The following VSNL1 variants were observed in gnomAD, a reference collection of about 807,000 sequenced individuals.
VSNL1 encodes visinin-like protein 1.
A neutral mutation model predicts 20.4 loss-of-function variants in VSNL1; 6 were observed. The ratio of observed to expected loss-of-function variants is 0.29; its 90% CI spans 0.16 to 0.58. VSNL1 has a LOEUF of 0.58. VSNL1 is among the 20% of genes least tolerant of loss of function. The pLI is 0.90. For synonymous variants in VSNL1, 93 were observed against 86.4 expected, an observed-to-expected ratio of 1.08 and a Z score of -0.42; for missense variants, 100 against 234.5, an observed-to-expected ratio of 0.43 and a Z score of 3.75.
At chr2:17,549,488 T>C (rs866812813) in intron 1 of VSNL1, among the ~76,000 whole-genome samples, 7 of 152,280 alleles carry the variant, frequency 4.6e-5, no homozygotes, top group South Asian at 4.1e-4. Flanking sequence ...GAGTAATAGC[T>C]TCATAACAAA....
chr2:17,639,094 G>A (rs1430901097), intron 2 of VSNL1, among the ~76,000 whole-genome samples: 1 of 152,176 alleles, frequency 6.6e-6, no homozygotes, highest in African/African-American at 2.4e-5. Flanking sequence ...CTTTTGCTAA[G>A]GGGCTGGTGG....
chr2:17,614,025 G>T (rs1665153450), intron 2 of VSNL1, among the ~76,000 whole-genome samples: 1 of 152,216 alleles, frequency 6.6e-6, no homozygotes, highest in African/African-American at 2.4e-5. Context: ...ACACGCATGG[G>T]GAGGTGGCTG....
chr2:17,588,253 G>C (rs2103372568), intron 1 of VSNL1, among the ~76,000 whole-genome samples: 1 of 152,338 alleles, frequency 6.6e-6, no homozygotes, highest in East Asian at 1.9e-4. Context: ...GTTGAGACAA[G>C]CCAATAGGAG....
intron 2 of VSNL1, among the ~76,000 whole-genome samples, chr2:17,628,770 G>C (rs531711312): frequency 1.7e-4 from 26 of 152,204 alleles, no homozygotes; most frequent in Non-Finnish European, 3.1e-4. Context: ...GTCCTGGCCT[G>C]AGCTCAGCCA....
At chr2:17,604,336 A>G (rs1274391023) in intron 2 of VSNL1, among the ~76,000 whole-genome samples, 1 of 152,162 alleles carries the variant, frequency 6.6e-6, no homozygotes, top group Non-Finnish European at 1.5e-5. Flanking sequence ...GCATGTTGGG[A>G]TTTCCCTCAT....
chr2:17,636,668 A>G lies in VSNL1; in HGVS notation c.163-12742A>G. On this transcript the variant is annotated intron_variant, in intron 2 of 3. Coordinates refer to ENST00000295156, the MANE Select transcript of VSNL1 (RefSeq NM_003385.5). ...TGATTACATGTTGAATGAATGATGTAATTTCGATGTGTTTTGAATATAATG... is the reference window on the plus strand; with the variant it reads ...TGATTACATGTTGAATGAATGATGTGATTTCGATGTGTTTTGAATATAATG... 1.3e-5 allele frequency among the ~76,000 whole-genome samples: 2 copies of G among 152,222 alleles called. 1 individual carries two copies. The highest frequency in any genetic ancestry group is 2.9e-5 in the Non-Finnish European group (2 of 68,034).
chr2:17,588,030 C>A (rs1281315099), intron 1 of VSNL1, among the ~76,000 whole-genome samples: 1 of 152,180 alleles, frequency 6.6e-6, no homozygotes, highest in Non-Finnish European at 1.5e-5. Flanking sequence ...GCCCTTCCAC[C>A]AGTCCTGTTT....
At chr2:17,608,481 T>A (rs1297326398) in intron 2 of VSNL1, among the ~76,000 whole-genome samples, 1 of 152,190 alleles carries the variant, frequency 6.6e-6, no homozygotes, top group Non-Finnish European at 1.5e-5. Context: ...GGTAACCCAC[T>A]GGATGAAGCT....
At chr2:17,552,323 C>A (rs1663564010) in intron 1 of VSNL1, among the ~76,000 whole-genome samples, 1 of 152,030 alleles carries the variant, frequency 6.6e-6, no homozygotes, top group South Asian at 2.1e-4. Context: ...CATTTTATGA[C>A]TGAGAAATTG....
intron 2 of VSNL1, among the ~76,000 whole-genome samples, chr2:17,631,527 G>T (rs1665628601): frequency 6.6e-6 from 1 of 152,162 alleles, no homozygotes; most frequent in African/African-American, 2.4e-5. Context: ...GACAATATGG[G>T]TCACAAGTAA....
intron 1 of VSNL1, among the ~76,000 whole-genome samples, chr2:17,579,220 A>G (rs1321266954): frequency 6.6e-6 from 1 of 151,312 alleles, no homozygotes; most frequent in Non-Finnish European, 1.5e-5. Context: ...GGTTCATGCC[A>G]TTCTCCTGCC....
intron 1 of VSNL1, among the ~76,000 whole-genome samples, chr2:17,588,492 A>G (rs1165543205): frequency 1.3e-5 from 2 of 152,182 alleles, no homozygotes; most frequent in Non-Finnish European, 2.9e-5. Flanking sequence ...GAATGTGATA[A>G]AATGTACTGT....
intron 1 of VSNL1, among the ~76,000 whole-genome samples, chr2:17,553,916 C>T (rs62130459): frequency 0.029 from 4,457 of 152,230 alleles, 64 homozygotes; most frequent in Middle Eastern, 0.054. Context: ...AATTCAAGAG[C>T]TCTTAATTTA....
intron 1 of VSNL1, among the ~76,000 whole-genome samples, chr2:17,547,253 C>A (rs760931048): frequency 1.3e-5 from 2 of 151,888 alleles, no homozygotes; most frequent in Non-Finnish European, 2.9e-5. Flanking sequence ...TCACAGGATT[C>A]TTGAACAGAA....
At chr2:17,641,840 G>C (rs1402445852) in intron 2 of VSNL1, among the ~76,000 whole-genome samples, 4 of 152,142 alleles carry the variant, frequency 2.6e-5, no homozygotes, top group African/African-American at 9.7e-5. Context: ...GAGAAAGGGA[G>C]AAAGAGAAGA....
At chr2:17,558,175 G>A (rs201855474) in intron 1 of VSNL1, among the ~76,000 whole-genome samples, 172 of 152,278 alleles carry the variant, frequency 1.1e-3, no homozygotes, top group African/African-American at 3.9e-3. Context: ...AAATGCTTAT[G>A]TCCTGACATA....
intron 1 of VSNL1, among the ~76,000 whole-genome samples, chr2:17,567,047 T>C (rs1200667725): frequency 3.9e-5 from 6 of 152,202 alleles, no homozygotes. Context: ...AGTAGAACAC[T>C]ATCCGTGGTC....
In VSNL1 at chr2:17,585,393, A is replaced by AC. The variant is rs1487098668; in HGVS notation, c.-5-6677_-5-6676insC. Among the ~76,000 whole-genome samples the AC allele has an allele frequency of 5.2e-3, 784 of 151,986 alleles. 8 individuals are homozygous for AC. Among genetic ancestry groups the AC allele is most frequent in the African/African-American group, 0.017 (689 of 41,462 alleles). ...ATTTGCCTTCATTATAAAAAAAAAA[A>AC]AAACATACAATATGCTGGGCAATTT... is the stretch of plus-strand genomic sequence containing the variant. On this transcript the variant is annotated intron_variant, in intron 1 of 3. Transcript: ENST00000295156.
At chr2:17,615,518 T>C (rs1665195641) in intron 2 of VSNL1, among the ~76,000 whole-genome samples, 1 of 152,224 alleles carries the variant, frequency 6.6e-6, no homozygotes. Flanking sequence ...CTGGAAAAGG[T>C]AAAAATTCCA....
Sources: gnomAD v4.1 joint callset for allele counts (sites outside exome capture counted in the v4.1 genomes callset) on GRCh38, gnomAD v4.1.1 for gene constraint, MANE v1.5 for transcripts, NCBI Gene and HGNC (gene_info 2026-07-23, HGNC 2026-07-21) for gene names.